LMX1B: variants seen among roughly 807,000 people sequenced by gnomAD.
The protein encoded by LMX1B is LIM homeobox transcription factor 1 beta.
Under a neutral mutation model 51.4 loss-of-function variants are expected in LMX1B, and 12 were observed. That is an observed-to-expected ratio of 0.23 (90% CI 0.15 to 0.38). LMX1B has a LOEUF of 0.38. LMX1B is among the 10% of genes least tolerant of loss of function. The pLI is 1.00. For missense variants in LMX1B, 445 were observed against 571.1 expected (o/e 0.78, Z 2.25); for synonymous variants, 237 against 235.4 (o/e 1.01, Z -0.06).
intron 2 of LMX1B, among the ~76,000 whole-genome samples, chr9:126,664,291 G>A (rs1836299464): frequency 6.6e-6 from 1 of 152,142 alleles, no homozygotes; most frequent in Non-Finnish European, 1.5e-5. Context: ...CTGCACAGAG[G>A]AACCTTGTTT....
intron 2 of LMX1B, among the ~76,000 whole-genome samples, chr9:126,667,747 G>A (rs754193730): frequency 1.3e-5 from 2 of 152,218 alleles, no homozygotes; most frequent in Non-Finnish European, 2.9e-5. Context: ...GACCAAGACC[G>A]TGTGCCTTCA....
rs989131995 is a variant in LMX1B, at chr9:126,693,616, C to A, written c.819+15C>A. On this transcript the variant is annotated intron_variant, in intron 5 of 7. Coordinates refer to ENST00000373474, the MANE Select transcript of LMX1B (RefSeq NM_001174147.2). ...AAAGAGCAAAGGTAAGAGGCCACCC[C>A]CCATCCCCACTGGCCCCGGGTAGGG... 16 of 1,613,768 alleles carry A rather than the reference C, an allele frequency of 9.9e-6. No individual in the cohort carries two copies. Among genetic ancestry groups the A allele is most frequent in the African/African-American group, 1.3e-5 (1 of 74,930 alleles).
At chr9:126,643,471 C>T (rs920810369) in intron 2 of LMX1B, among the ~76,000 whole-genome samples, 2 of 152,158 alleles carry the variant, frequency 1.3e-5, no homozygotes, top group African/African-American at 4.8e-5. Flanking sequence ...CCTCCGTTGC[C>T]TCCTCTCTAA....
At chr9:126,617,306 T>G (rs1206201389) in intron 2 of LMX1B, among the ~76,000 whole-genome samples, 1 of 151,592 alleles carries the variant, frequency 6.6e-6, no homozygotes, top group African/African-American at 2.4e-5. Context: ...TACACCCAGC[T>G]CAGCCACCAG....
In LMX1B at chr9:126,669,881, CA is replaced by C. The variant is rs1253368831; in HGVS notation, c.327-20954del. ...CCCAGGATGGCCCCCAGGTACTCCCCAGGCCATGAGGCAGGACAGGAACCAC... is the reference window on the plus strand; with the variant it reads ...CCCAGGATGGCCCCCAGGTACTCCCCGGCCATGAGGCAGGACAGGAACCAC... On this transcript the variant is annotated intron_variant, in intron 2 of 7. Coordinates refer to ENST00000373474, the MANE Select transcript of LMX1B (RefSeq NM_001174147.2). Among the ~76,000 whole-genome samples, 11 of 152,160 alleles carry C rather than the reference CA, an allele frequency of 7.2e-5. No individual in the cohort carries two copies. The East Asian group carries it at 2.1e-3, about 29-fold the overall frequency.
chr9:126,699,984 G>C lies in LMX1B; in HGVS notation c.*3533G>C, dbSNP rs2030485854. On this transcript the variant is annotated 3_prime_UTR_variant, in exon 8 of 8. Transcript: ENST00000373474. ...AAAGAGAATGAGAGGTGGGCAGGGG[G>C]AGTCTTGGCAAAAGACCAAGTTCCA... 1 of 152,264 alleles carries C rather than the reference G, an allele frequency of 6.6e-6. No individual in the cohort carries two copies. The highest frequency in any genetic ancestry group is 2.4e-5 in the African/African-American group (1 of 41,442). 9.4% of individuals were successfully genotyped at this position (152,264 alleles called of 1,614,324 possible). A position where few individuals can be genotyped will look rare whatever the true frequency, so the allele number is the denominator to read the frequency against.
chr9:126,690,726 C>G (rs1236749307), intron 2 of LMX1B, 110 bp from the exon 3 acceptor site: 1 of 926,862 alleles, frequency 1.1e-6, no homozygotes, highest in Non-Finnish European at 1.7e-6. Flanking sequence ...GCCTCTCCCT[C>G]CCACCTGGGC....
intron 2 of LMX1B, among the ~76,000 whole-genome samples, chr9:126,628,174 T>C: frequency 6.6e-6 from 1 of 152,214 alleles, no homozygotes; most frequent in East Asian, 1.9e-4. Context: ...GGCTTGGCCC[T>C]TCCTGTCTAT....
chr9:126,617,091 G>C (rs1022175451), intron 2 of LMX1B, among the ~76,000 whole-genome samples: 2 of 152,260 alleles, frequency 1.3e-5, no homozygotes, highest in Non-Finnish European at 2.9e-5. Context: ...GGGAGAGGGA[G>C]ACGCCAGTCC....
At chr9:126,691,131 G>A in intron 3 of LMX1B, 63 bp downstream of exon 3, 2 of 1,338,488 alleles carry the variant, frequency 1.5e-6, no homozygotes, top group Non-Finnish European at 2.1e-6. Context: ...TGTCCTGGAG[G>A]GGAGTCCCGG....
chr9:126,655,360 G>A (rs1564156513), intron 2 of LMX1B, among the ~76,000 whole-genome samples: 1 of 148,068 alleles, frequency 6.8e-6, no homozygotes, highest in Non-Finnish European at 1.5e-5. Context: ...GGCAGGTGCT[G>A]GAGGAGAATG....
At chr9:126,668,465 T>C (rs1431986602) in intron 2 of LMX1B, among the ~76,000 whole-genome samples, 4 of 151,556 alleles carry the variant, frequency 2.6e-5, no homozygotes, top group African/African-American at 4.9e-5. Flanking sequence ...ATTATTATTA[T>C]TATTTTGAGA....
At chr9:126,668,782 C>T (rs769603151) in intron 2 of LMX1B, among the ~76,000 whole-genome samples, 24 of 152,174 alleles carry the variant, frequency 1.6e-4, no homozygotes, top group Non-Finnish European at 2.8e-4. Context: ...CCACATCTTT[C>T]AGACCCCAAA....
At chr9:126,674,396 G>C (rs927510495) in intron 2 of LMX1B, among the ~76,000 whole-genome samples, 1 of 152,080 alleles carries the variant, frequency 6.6e-6, no homozygotes, top group Non-Finnish European at 1.5e-5. Context: ...GGCTGGGGGG[G>C]CATTCAGGAA....
At chr9:126,687,921 T>A (rs561448875) in intron 2 of LMX1B, among the ~76,000 whole-genome samples, 2 of 152,030 alleles carry the variant, frequency 1.3e-5, no homozygotes, top group African/African-American at 4.8e-5. Flanking sequence ...CCCGCTGGTA[T>A]CCCCAACCCC....
intron 2 of LMX1B, among the ~76,000 whole-genome samples, chr9:126,649,018 C>T (rs2118897686): frequency 6.6e-6 from 1 of 152,240 alleles, no homozygotes; most frequent in South Asian, 2.1e-4. Flanking sequence ...TTGCCTGCTT[C>T]CTGTCTTGGT....
rs965958174 is a variant in LMX1B, at chr9:126,626,172, G to A, written c.326+10603G>A. On this transcript the variant is annotated intron_variant, in intron 2 of 7. Coordinates refer to ENST00000373474, the MANE Select transcript of LMX1B (RefSeq NM_001174147.2). This position sits in a 1 kb window ranked among gnomAD's most constrained non-coding sequence, Gnocchi z 4.3. ...TGGCCTCCTATTAGAACTCGTAGAG[G>A]ATCCGCTCTGGAGTCCCCGTGCGCC... Among the ~76,000 whole-genome samples, 8 of 152,196 alleles carry A rather than the reference G, an allele frequency of 5.3e-5. No homozygotes were observed. The highest frequency in any genetic ancestry group is 1.7e-4 in the African/African-American group (7 of 41,462).
chr9:126,696,016 A>ACCGGGGCCCC lies in LMX1B; in HGVS notation c.1051+15_1051+16insGGGGCCCCCC. 6.6e-7 allele frequency: 1 copy of ACCGGGGCCCC among 1,512,702 alleles called. No homozygotes were observed. The highest frequency in any genetic ancestry group is 1.3e-5 in the South Asian group (1 of 78,868). The allele number at this position is 1,512,702 out of a possible 1,614,324, so 93.7% of individuals were successfully genotyped here. On this transcript the variant is annotated intron_variant, in intron 7 of 7. Coordinates refer to ENST00000373474, the MANE Select transcript of LMX1B (RefSeq NM_001174147.2). Reference sequence around the variant, plus strand: ...ATGAACCCCTATGGTAAGCCGCCCTACCCCCACCCGCCCGCCCCAGCACAG... The same window carrying ACCGGGGCCCC: ...ATGAACCCCTATGGTAAGCCGCCCTACCGGGGCCCCCCCCCACCCGCCCGCCCCAGCACAG...
chr9:126,615,403 G>C lies in LMX1B; in HGVS notation c.160G>C (p.Ala54Pro). 6.2e-7 allele frequency: 1 copy of C among 1,602,394 alleles called. No individual in the cohort carries two copies. Residue 54 changes from alanine (A) to proline (P), a missense_variant, in exon 2 of 8, where the codon GCC becomes CCC. Physicochemically the swap from Ala to Pro is conservative, Grantham distance 27 (BLOSUM62 -1). Coordinates refer to ENST00000373474, the MANE Select transcript of LMX1B (RefSeq NM_001174147.2). This position sits in a 1 kb window ranked among gnomAD's most constrained non-coding sequence, Gnocchi z 6.0. ...VLLGSDCPHP[A>P]VCEGCQRPIS... ...TACAGGCTCCGACTGCCCGCATCCC[G>C]CCGTCTGCGAGGGCTGCCAGCGGCC...
Sources: gnomAD v4.1 joint callset for allele counts (sites outside exome capture counted in the v4.1 genomes callset) on GRCh38, gnomAD v4.1.1 for gene constraint, Gnocchi (gnomAD v3.1) non-coding constraint, MANE v1.5 for transcripts, NCBI Gene and HGNC (gene_info 2026-07-23, HGNC 2026-07-21) for gene names.